The following FAM53A variants were observed in gnomAD, a reference collection of about 807,000 sequenced individuals.
FAM53A encodes protein FAM53A.
In FAM53A, 28 loss-of-function variants were observed where a neutral mutation model predicts 26.6. The observed-to-expected ratio is 1.05, with a 90% CI of 0.78 to 1.45. The LOEUF is 1.45. Ranked by LOEUF, FAM53A falls within the 40% of genes most tolerant of loss-of-function variation. The probability of loss-of-function intolerance (pLI) is 0.00; values close to 1 mark genes in which losing one functional copy is unlikely to be tolerated. For synonymous variants in FAM53A, 290 were observed against 253.1 expected (o/e 1.15, Z -1.38); for missense variants, 650 against 575.8 (o/e 1.13, Z -1.32).
chr4:1,650,560 G>A lies in FAM53A; in HGVS notation c.882+4418C>T, dbSNP rs142648064. ...CGCCCAGGCTGGAGTGCAGTGGCGTGATCTCAGTTCACCGCAACCTCCGCC... is the reference window on the plus strand; with the variant it reads ...CGCCCAGGCTGGAGTGCAGTGGCGTAATCTCAGTTCACCGCAACCTCCGCC... On this transcript the variant is annotated intron_variant, in intron 4 of 4. Transcript: ENST00000308132. 3.4e-3 allele frequency among the ~76,000 whole-genome samples: 521 copies of A among 152,156 alleles called. 4 individuals carry two copies. Among genetic ancestry groups the A allele is most frequent in the African/African-American group, 0.012 (500 of 41,514 alleles).
chr4:1,657,304 G>T, intron 3 of FAM53A, 104 bp downstream of exon 3: 2 of 1,060,898 alleles, frequency 1.9e-6, no homozygotes, highest in Non-Finnish European at 2.8e-6. Context: ...ACCTTCCTGG[G>T]CTTCTGCAGA....
At chr4:1,668,475 G>A (rs1714399234) in intron 2 of FAM53A, among the ~76,000 whole-genome samples, 192 bp downstream of exon 2, 1 of 151,982 alleles carries the variant, frequency 6.6e-6, no homozygotes, top group Non-Finnish European at 1.5e-5. Context: ...TTTCAATGAT[G>A]GTGAAAATCC....
chr4:1,609,319 T>A, the FAM53A span, among the ~76,000 whole-genome samples: 2 of 151,980 alleles, frequency 1.3e-5, no homozygotes, highest in Non-Finnish European at 2.9e-5. Context: ...CCTGACAGGC[T>A]CCAGGGCCTC....
chr4:1,576,182 C>T, the FAM53A span, among the ~76,000 whole-genome samples: 159 of 152,348 alleles, frequency 1.0e-3, no homozygotes, highest in African/African-American at 3.6e-3. Flanking sequence ...CTGCAGAAGT[C>T]ATAAAGATCC....
At chr4:1,621,893 C>A (rs1715053083) in intron 1 of FAM53A, among the ~76,000 whole-genome samples, 1 of 152,156 alleles carries the variant, frequency 6.6e-6, no homozygotes, top group Admixed American at 6.5e-5. Context: ...GAAACCTGAT[C>A]CCCACAGTGG....
At chr4:1,617,610 G>A (rs1280239602), downstream of FAM53A, among the ~76,000 whole-genome samples, 1 of 152,098 alleles carries the variant, frequency 6.6e-6, no homozygotes, top group Non-Finnish European at 1.5e-5. Context: ...TGCCTACTGC[G>A]CTCTTTCTTC....
the FAM53A span, among the ~76,000 whole-genome samples, chr4:1,576,776 G>A: frequency 1.3e-5 from 2 of 152,208 alleles, no homozygotes; most frequent in Non-Finnish European, 2.9e-5. Context: ...CTGGCCCCTG[G>A]GGACAGCCCC....
At chr4:1,666,498 C>A (rs1170346405) in intron 2 of FAM53A, among the ~76,000 whole-genome samples, 2 of 152,224 alleles carry the variant, frequency 1.3e-5, no homozygotes, top group African/African-American at 4.8e-5. Context: ...GCCCGTGGGT[C>A]ACCCCACACC....
At chr4:1,588,439 G>A in the FAM53A span, among the ~76,000 whole-genome samples, 106 of 152,266 alleles carry the variant, frequency 7.0e-4, no homozygotes, top group Non-Finnish European at 1.1e-3. Context: ...CGTGACTGCC[G>A]AGAACTGGAC....
chr4:1,665,178 C>A (rs915654244), intron 2 of FAM53A, among the ~76,000 whole-genome samples: 1 of 151,862 alleles, frequency 6.6e-6, no homozygotes. Context: ...ATTAGCCGGG[C>A]GTGGTGGCGC....
intron 3 of FAM53A, among the ~76,000 whole-genome samples, chr4:1,656,790 G>A (rs767318918): frequency 5.1e-4 from 78 of 152,288 alleles, no homozygotes; most frequent in Non-Finnish European, 9.3e-4. Flanking sequence ...GCCTCCTAAC[G>A]GGCCCACTCT....
the FAM53A span, among the ~76,000 whole-genome samples, chr4:1,596,669 G>A: frequency 5.9e-5 from 9 of 152,188 alleles, no homozygotes; most frequent in East Asian, 5.8e-4. Flanking sequence ...CGCCCGCCGC[G>A]GGCTGCTGTG....
intron 1 of FAM53A, among the ~76,000 whole-genome samples, chr4:1,680,273 C>T (rs1274423646): frequency 1.4e-5 from 2 of 139,820 alleles, no homozygotes; most frequent in South Asian, 2.4e-4. Context: ...GAGCCGAGAT[C>T]GCACCATTGC....
chr4:1,627,210 G>C (rs1233272440), intron 1 of FAM53A, among the ~76,000 whole-genome samples: 1 of 152,176 alleles, frequency 6.6e-6, no homozygotes, highest in African/African-American at 2.4e-5. Context: ...TGGGCACTCA[G>C]GGCCCAGCCC....
At chr4:1,635,144 A>G (rs2108783288), downstream of FAM53A, among the ~76,000 whole-genome samples, 2 of 152,240 alleles carry the variant, frequency 1.3e-5, 1 homozygote, top group South Asian at 4.1e-4. Flanking sequence ...CATTCCCAGT[A>G]GTATTTATTT....
At chr4:1,634,266 G>C (rs1377880238) in intron 1 of FAM53A, among the ~76,000 whole-genome samples, 4 of 152,126 alleles carry the variant, frequency 2.6e-5, no homozygotes, top group Non-Finnish European at 4.4e-5. Flanking sequence ...GACAGGGCAG[G>C]GTGGGCAGGA....
In FAM53A at chr4:1,640,480, T is replaced by A. The variant is rs1269687339; in HGVS notation, c.*813A>T. On this transcript the variant is annotated 3_prime_UTR_variant, in exon 5 of 5. Transcript: ENST00000308132. ...ATGTTAATCTGTTTGCAGATTCATG[T>A]TTAATAGAACGCCCTTCTGAAATGC... 3.4e-5 allele frequency: 10 copies of A among 297,412 alleles called. No individual in the cohort carries two copies. Among genetic ancestry groups the A allele is most frequent in the Non-Finnish European group, 5.7e-5 (9 of 158,174 alleles). 18.4% of individuals were successfully genotyped at this position (297,412 alleles called of 1,614,324 possible). A position where few individuals can be genotyped will look rare whatever the true frequency, so the allele number is the denominator to read the frequency against.
chr4:1,609,918 G>A, the FAM53A span, among the ~76,000 whole-genome samples: 108 of 152,148 alleles, frequency 7.1e-4, 1 homozygote, highest in African/African-American at 2.4e-3. Flanking sequence ...AGCCGAGATC[G>A]CGCCACTGCA....
At chr4:1,676,261 G>C (rs1393708306) in intron 1 of FAM53A, among the ~76,000 whole-genome samples, 1 of 152,110 alleles carries the variant, frequency 6.6e-6, no homozygotes, top group Admixed American at 6.5e-5. Flanking sequence ...CTCCCTCCCG[G>C]CTCTGGCATC....
Sources: allele counts gnomAD v4.1 joint callset (sites outside exome capture counted in the v4.1 genomes callset), GRCh38; gene constraint gnomAD v4.1.1; transcripts MANE v1.5; gene names NCBI Gene and HGNC (gene_info 2026-07-23, HGNC 2026-07-21).